Variants in RBM26 observed in about 807,000 individuals in gnomAD.
RBM26 encodes RNA-binding protein 26.
In RBM26, 30 loss-of-function variants were observed where a neutral mutation model predicts 123.6. The observed-to-expected ratio is 0.24, with a 90% CI of 0.18 to 0.33. RBM26 has a LOEUF of 0.33. RBM26 is among the 10% of genes least tolerant of loss of function. RBM26 has a pLI of 1.00. For synonymous variants in RBM26, 400 were observed against 404.4 expected (o/e 0.99, Z 0.13); for missense variants, 947 against 1,203.6 (o/e 0.79, Z 3.15).
At chr13:79,326,438 G>C (rs2068426877) in intron 20 of RBM26, among the ~76,000 whole-genome samples, 1 of 152,070 alleles carries the variant, frequency 6.6e-6, no homozygotes, top group South Asian at 2.1e-4. Context: ...GGTGAAAGTG[G>C]ACCTAAATGT....
intron 14 of RBM26, among the ~76,000 whole-genome samples, chr13:79,346,704 G>A (rs564544283): frequency 6.6e-6 from 1 of 152,212 alleles, no homozygotes; most frequent in African/African-American, 2.4e-5. Context: ...TTTGTGGTCA[G>A]ACTTCAGTGA....
At chr13:79,397,432 T>C (rs2078667622) in intron 1 of RBM26, among the ~76,000 whole-genome samples, 2 of 151,558 alleles carry the variant, frequency 1.3e-5, no homozygotes, top group African/African-American at 2.4e-5. Context: ...TGAAGGTATA[T>C]TGGGAGGTTG....
downstream of RBM26, among the ~76,000 whole-genome samples, chr13:79,315,779 A>C (rs537629205): frequency 1.3e-5 from 2 of 152,006 alleles, no homozygotes; most frequent in East Asian, 3.9e-4. Context: ...TTTCATTAGC[A>C]ATTAATGGGA....
At chr13:79,373,340 TTATA>T (rs1237367016) in intron 3 of RBM26, among the ~76,000 whole-genome samples, 9 of 104,906 alleles carry the variant, frequency 8.6e-5, no homozygotes, top group Admixed American at 1.4e-4. Context: ...AAAATATATA[TTATA>T]TATAAATAAA....
Position 79,359,654 on chromosome 13 carries a change from C to G in RBM26, c.1450G>C (p.Val484Leu). 6.3e-7 allele frequency: 1 copy of G among 1,594,120 alleles called. No homozygotes were observed. Among genetic ancestry groups the G allele is most frequent in the Non-Finnish European group, 8.5e-7 (1 of 1,171,742 alleles). Residue 484 changes from valine (V) to leucine (L), a missense_variant, in exon 10 of 22, where the codon GTA (valine) becomes CTA (leucine). Transcript: ENST00000438737. The stretch of plus-strand genomic sequence containing the variant: ...CTTTTCCTTGATTCTGAGTCCACTA[C>G]TATCCTCATACTGCTTTTATTGGGA... Reference protein sequence around the residue: ...KPPNKSSMRIVVDSESRKRTI... With the variant: ...KPPNKSSMRILVDSESRKRTI...
chr13:79,355,708 T>C (rs2073894451), intron 11 of RBM26, among the ~76,000 whole-genome samples: 1 of 152,194 alleles, frequency 6.6e-6, no homozygotes, highest in Non-Finnish European at 1.5e-5. Flanking sequence ...TGTCAATAAA[T>C]GACATGGCAA....
chr13:79,314,123 G>A (rs1038992862), downstream of RBM26: 1 of 151,638 alleles, frequency 6.6e-6, no homozygotes, highest in Non-Finnish European at 1.5e-5. Context: ...TTCTTTATAA[G>A]TAATTCTAAG....
At chr13:79,390,460 G>T (rs2077863276) in intron 1 of RBM26, among the ~76,000 whole-genome samples, 1 of 152,118 alleles carries the variant, frequency 6.6e-6, no homozygotes, top group Non-Finnish European at 1.5e-5. Flanking sequence ...CATGGGAAAA[G>T]AAATGAGTAA....
rs1013277913 is a variant in RBM26, at chr13:79,402,077, T to C, written c.71+3627A>G. Among the ~76,000 whole-genome samples, 8 of 151,202 alleles carry C rather than the reference T, an allele frequency of 5.3e-5. No individual in the cohort carries two copies. In the East Asian group the frequency reaches 1.2e-3, roughly 22 times the overall value. On this transcript the variant is annotated intron_variant, in intron 1 of 21. Coordinates refer to ENST00000438737, the MANE Select transcript of RBM26 (RefSeq NM_001366735.2). ...TGTAAGTCCACCTAAAAGTTTTAAATACAGTAGAAAGTGTTTTCTGTTTTT... is the reference window on the plus strand; with the variant it reads ...TGTAAGTCCACCTAAAAGTTTTAAACACAGTAGAAAGTGTTTTCTGTTTTT...
At chr13:79,341,406 ACT>A (rs891138889) in intron 17 of RBM26, among the ~76,000 whole-genome samples, 179 bp from the exon 18 acceptor site, 1 of 151,816 alleles carries the variant, frequency 6.6e-6, no homozygotes, top group Non-Finnish European at 1.5e-5. Flanking sequence ...CAGCTTCCTA[ACT>A]TGTTGCTACT....
chr13:79,383,141 G>GAGAGGTT (rs1341869058), intron 1 of RBM26, among the ~76,000 whole-genome samples: 4 of 17,572 alleles, frequency 2.3e-4, no homozygotes, highest in African/African-American at 7.5e-4. Context: ...TAAACTGCCT[G>GAGAGGTT]AGGGTTCTCC....
chr13:79,353,954 G>C (rs1391123717), intron 13 of RBM26, among the ~76,000 whole-genome samples: 2 of 152,196 alleles, frequency 1.3e-5, no homozygotes, highest in Non-Finnish European at 2.9e-5. Context: ...GCAAAGTTAT[G>C]AGAGAGCAGT....
chr13:79,400,785 C>T (rs2078998458), intron 1 of RBM26, among the ~76,000 whole-genome samples: 1 of 152,102 alleles, frequency 6.6e-6, no homozygotes, highest in African/African-American at 2.4e-5. Context: ...TATAAAACTT[C>T]AGGCAATAAA....
At chr13:79,347,198 G>C (rs7321446) in intron 14 of RBM26, among the ~76,000 whole-genome samples, 9,451 of 151,402 alleles carry the variant, frequency 0.062, 334 homozygotes, top group Middle Eastern at 0.23. Context: ...TTTTATCCAG[G>C]AACATCCTTC....
intron 14 of RBM26, among the ~76,000 whole-genome samples, chr13:79,348,318 T>C (rs1487469890): frequency 1.3e-5 from 2 of 152,102 alleles, no homozygotes; most frequent in African/African-American, 4.8e-5. Context: ...CACTAATACC[T>C]CTTATTTTCC....
intron 9 of RBM26, among the ~76,000 whole-genome samples, chr13:79,363,392 GGGA>G (rs2074926468): frequency 6.6e-6 from 1 of 152,096 alleles, no homozygotes; most frequent in African/African-American, 2.4e-5. Context: ...AACACATGGT[GGGA>G]GGAGGGAGAG....
In RBM26 at chr13:79,405,848, GC is replaced by G; in HGVS notation, c.-75del. ...GGCCGCTACAGCCGCCGCTGCCCCC[GC>G]CCCCTCCTCCGCGCGCCGCCCGCGT... On this transcript the variant is annotated 5_prime_UTR_variant, in exon 1 of 22. Coordinates refer to ENST00000438737, the MANE Select transcript of RBM26 (RefSeq NM_001366735.2). The G allele has an allele frequency of 2.2e-6, 2 of 912,880 alleles. No individual in the cohort carries two copies. Among genetic ancestry groups the G allele is most frequent in the Non-Finnish European group, 3.0e-6 (2 of 667,564 alleles). 56.5% of individuals were successfully genotyped at this position (912,880 alleles called of 1,614,324 possible).
At chr13:79,369,220 T>C (rs1340015140) in intron 5 of RBM26, among the ~76,000 whole-genome samples, 6 of 152,212 alleles carry the variant, frequency 3.9e-5, no homozygotes, top group Admixed American at 3.9e-4. Context: ...ATATTTAATG[T>C]TTTTCCTTAG....
intron 5 of RBM26, among the ~76,000 whole-genome samples, chr13:79,369,999 CA>C (rs998210946): frequency 6.6e-5 from 10 of 152,156 alleles, no homozygotes; most frequent in African/African-American, 2.4e-4. Context: ...TCTCTGTCAT[CA>C]CAGATTAGTT....
Sources: gnomAD v4.1 joint callset for allele counts (sites outside exome capture counted in the v4.1 genomes callset) on GRCh38, gnomAD v4.1.1 for gene constraint, MANE v1.5 for transcripts, NCBI Gene and HGNC (gene_info 2026-07-23, HGNC 2026-07-21) for gene names.